SLC23A1: variants seen among roughly 807,000 people sequenced by gnomAD.
The protein encoded by SLC23A1 is solute carrier family 23 member 1.
A neutral mutation model predicts 62.5 loss-of-function variants in SLC23A1; 31 were observed. The ratio of observed to expected loss-of-function variants is 0.50; its 90% confidence interval spans 0.37 to 0.67. SLC23A1 has a LOEUF of 0.67. SLC23A1 is among the 30% of genes least tolerant of loss of function. The pLI is 0.00. For missense variants in SLC23A1, 640 were observed against 782.7 expected, an observed-to-expected ratio of 0.82 and a Z score of 2.18; for synonymous variants, 271 against 313.2, an observed-to-expected ratio of 0.87 and a Z score of 1.42.
Position 139,378,524 on chromosome 5 carries a change from G to A in SLC23A1, c.1179+55C>T, listed in dbSNP as rs1470735641. 19 of 1,428,864 alleles carry A rather than the reference G, an allele frequency of 1.3e-5. No individual in the cohort carries two copies. The highest frequency in any genetic ancestry group is 1.7e-5 in the Non-Finnish European group (18 of 1,050,190). The allele number at this position is 1,428,864 out of a possible 1,614,324, so 88.5% of individuals were successfully genotyped here. ...ACCAAAGTGGGGACCGAGTTGGGGC[G>A]GGGCCTGCGGCCCACGGAATTAGGG... On this transcript the variant is annotated intron_variant, in intron 10 of 14. Coordinates refer to ENST00000348729, the MANE Select transcript of SLC23A1 (RefSeq NM_005847.5). This position sits in a 1 kb window ranked among gnomAD's most constrained non-coding sequence, Gnocchi z 4.5.
intron 13 of SLC23A1, among the ~76,000 whole-genome samples, chr5:139,373,688 C>G (rs1757800116): frequency 6.6e-6 from 1 of 152,170 alleles, no homozygotes; most frequent in African/African-American, 2.4e-5. Flanking sequence ...GGAGAGGGCA[C>G]TGAGGGAAGG....
At chr5:139,383,303 G>A (rs747561567), upstream of SLC23A1, 1 of 1,603,292 alleles carries the variant, frequency 6.2e-7, no homozygotes, top group Non-Finnish European at 8.5e-7. Flanking sequence ...GGGATGACTT[G>A]ACAAAGGCCA....
upstream of SLC23A1, among the ~76,000 whole-genome samples, chr5:139,385,446 G>C (rs1308452579): frequency 3.3e-5 from 5 of 152,158 alleles, no homozygotes; most frequent in African/African-American, 1.2e-4. Context: ...AAGGCAGAGT[G>C]TGGAAAATGA....
chr5:139,373,668 A>T (rs900518038), intron 13 of SLC23A1, among the ~76,000 whole-genome samples: 1 of 152,210 alleles, frequency 6.6e-6, no homozygotes, highest in African/African-American at 2.4e-5. Flanking sequence ...TTATGTTCCA[A>T]AATCTCACAG....
intron 14 of SLC23A1, among the ~76,000 whole-genome samples, chr5:139,371,583 T>C (rs887811825): frequency 1.3e-5 from 2 of 152,278 alleles, no homozygotes; most frequent in Non-Finnish European, 2.9e-5. Context: ...TTCCTGTTCT[T>C]GTGCTGCATT....
In SLC23A1 at chr5:139,378,513, C is replaced by A; in HGVS notation, c.1179+66G>T. 9 of 1,451,794 alleles carry A rather than the reference C, an allele frequency of 6.2e-6. No homozygotes were observed. Among genetic ancestry groups the A allele is most frequent in the East Asian group, 2.5e-5 (1 of 40,430 alleles). The allele number at this position is 1,451,794 out of a possible 1,614,324, so 89.9% of individuals were successfully genotyped here. A position where few individuals can be genotyped will look rare whatever the true frequency, so the allele number is the denominator to read the frequency against. ...GGTGGGGCTAAACCAAAGTGGGGAC[C>A]GAGTTGGGGCGGGGCCTGCGGCCCA... On this transcript the variant is annotated intron_variant, in intron 10 of 14. Transcript: ENST00000348729. The surrounding 1 kb of genome is among the most constrained non-coding windows in gnomAD (Gnocchi z 4.5).
chr5:139,380,099 G>T, intron 6 of SLC23A1, 23 bp from the exon 7 acceptor site: 1 of 1,597,598 alleles, frequency 6.3e-7, no homozygotes, highest in Non-Finnish European at 8.5e-7. Flanking sequence ...GCACAATCAG[G>T]AAGTGGATGG....
At chr5:139,377,861 C>T in intron 12 of SLC23A1, 114 bp downstream of exon 12, 1 of 1,057,524 alleles carries the variant, frequency 9.5e-7, no homozygotes. Context: ...CTGGTTGACA[C>T]CCAGAGTTGG....
In SLC23A1 at chr5:139,367,505, T is replaced by A. The variant is rs548009946; in HGVS notation, c.*146A>T. On this transcript the variant is annotated 3_prime_UTR_variant, in exon 15 of 15. Transcript: ENST00000348729. Reference sequence around the variant, plus strand: ...CTTTTTTTTTAACTGATGCAAAAATTTGAATCCCAGAGAAAGGTGACTTAT... The same window carrying A: ...CTTTTTTTTTAACTGATGCAAAAATATGAATCCCAGAGAAAGGTGACTTAT... The A allele has an allele frequency of 6.6e-6, 1 of 152,098 alleles. No homozygotes were observed. The highest frequency in any genetic ancestry group is 1.5e-5 in the Non-Finnish European group (1 of 68,016). The allele number at this position is 152,098 out of a possible 1,614,324, so 9.4% of individuals were successfully genotyped here. A position where few individuals can be genotyped will look rare whatever the true frequency, so the allele number is the denominator to read the frequency against.
At chr5:139,382,397 T>C (rs2152073123) in intron 2 of SLC23A1, 95 bp downstream of exon 2, 3 of 700,532 alleles carry the variant, frequency 4.3e-6, no homozygotes, top group East Asian at 2.6e-5. Context: ...CAGGTTTTTC[T>C]TCCTGTTACC....
chr5:139,379,139 C>T lies in SLC23A1; in HGVS notation c.1073+68G>A. 5 of 1,554,970 alleles carry T rather than the reference C, an allele frequency of 3.2e-6. No homozygotes were observed. The highest frequency in any genetic ancestry group is 4.4e-6 in the Non-Finnish European group (5 of 1,131,888). On this transcript the variant is annotated intron_variant, in intron 9 of 14. Transcript: ENST00000348729. This position sits in a 1 kb window ranked among gnomAD's most constrained non-coding sequence, Gnocchi z 4.7. ...TAAGCCTACCCCCTGGGCCTCCACC[C>T]CGTTCCTGTGTGTGCTTCCTGGGTG...
chr5:139,368,615 A>G lies in SLC23A1; in HGVS notation c.*20-984T>C, dbSNP rs1416544365. The G allele has an allele frequency of 1.0e-5, 7 of 700,700 alleles. No homozygotes were observed. The South Asian group carries it at 1.2e-4, about 12-fold the overall frequency. The allele number at this position is 700,700 out of a possible 1,614,324, so 43.4% of individuals were successfully genotyped here. On this transcript the variant is annotated intron_variant, in intron 14 of 14. Transcript: ENST00000348729. Reference sequence around the variant, plus strand: ...CCTTTTTGGGGTTTAGTATAGTCTTACAGACTGAGTTCTTTTGTCTTTTTT... The same window carrying G: ...CCTTTTTGGGGTTTAGTATAGTCTTGCAGACTGAGTTCTTTTGTCTTTTTT...
chr5:139,385,172 G>GAGGA (rs1758466301), upstream of SLC23A1, among the ~76,000 whole-genome samples: 1 of 152,186 alleles, frequency 6.6e-6, no homozygotes, highest in Admixed American at 6.5e-5. Context: ...CATGGCTCTC[G>GAGGA]TGCAAAATAA....
upstream of SLC23A1, among the ~76,000 whole-genome samples, chr5:139,384,901 G>A (rs1483262416): frequency 6.6e-6 from 1 of 152,196 alleles, no homozygotes; most frequent in Admixed American, 6.5e-5. Flanking sequence ...CTGAGTGAAG[G>A]CCACGGATGG....
chr5:139,382,943 G>A (rs1007761638), intron 1 of SLC23A1, among the ~76,000 whole-genome samples: 4 of 152,210 alleles, frequency 2.6e-5, no homozygotes, highest in African/African-American at 9.7e-5. Flanking sequence ...GTCCAATCCG[G>A]TCCCACCTCT....
chr5:139,379,994 G>T lies in SLC23A1; in HGVS notation c.730C>A (p.Leu244Ile). The stretch of plus-strand genomic sequence containing the variant: ...AAGATCTGGATGCGGAGGAGAGTGA[G>T]GCCCTTGCCCCAGCGGTAGACAGGC... ...LLPVYRWGKGLTLLRIQIFKM... is the reference protein window; with the variant it reads ...LLPVYRWGKGITLLRIQIFKM... Residue 244 changes from leucine to isoleucine, a missense_variant, in exon 7 of 15, where the codon CTC (leucine) becomes ATC (isoleucine). Transcript: ENST00000348729. The surrounding 1 kb of genome is among the most constrained non-coding windows in gnomAD (Gnocchi z 4.7). 1 of 1,614,108 alleles carries T rather than the reference G, an allele frequency of 6.2e-7. No homozygotes were observed. Among genetic ancestry groups the T allele is most frequent in the Non-Finnish European group, 8.5e-7 (1 of 1,180,020 alleles).
chr5:139,378,571 C>A lies in SLC23A1; in HGVS notation c.1179+8G>T. Reference sequence around the variant, plus strand: ...AGGGCAGGATTTGGCTCTGGCTCGTCGCGACACCTTGGTAATTCCCAGGAC... The same window carrying A: ...AGGGCAGGATTTGGCTCTGGCTCGTAGCGACACCTTGGTAATTCCCAGGAC... On this transcript the variant is annotated splice_region_variant and intron_variant, in intron 10 of 14. Coordinates refer to ENST00000348729, the MANE Select transcript of SLC23A1 (RefSeq NM_005847.5). This position sits in a 1 kb window ranked among gnomAD's most constrained non-coding sequence, Gnocchi z 4.5. 1 of 1,581,920 alleles carries A rather than the reference C, an allele frequency of 6.3e-7. No homozygotes were observed. Among genetic ancestry groups the A allele is most frequent in the Non-Finnish European group, 8.6e-7 (1 of 1,163,238 alleles).
chr5:139,380,580 G>T lies in SLC23A1; in HGVS notation c.450C>A (p.His150Gln). 6.2e-7 allele frequency: 1 copy of T among 1,614,102 alleles called. No individual in the cohort carries two copies. The highest frequency in any genetic ancestry group is 8.5e-7 in the Non-Finnish European group (1 of 1,179,980). The change falls in exon 5 of 15, where the codon CAC (histidine) becomes CAA (glutamine). Residue 150 changes from histidine (H) to glutamine (Q), a missense_variant. Physicochemically the swap from His to Gln is conservative, Grantham distance 24. Coordinates refer to ENST00000348729, the MANE Select transcript of SLC23A1 (RefSeq NM_005847.5). ...SLPLNTSHIW[H>Q]PRIREVQGAI... is the part of the protein sequence containing the mutation. The stretch of plus-strand genomic sequence containing the variant: ...GCAAACCCACCTCCCGTATCCGTGG[G>T]TGCCAAATATGAGAGGTGTTCAGGG...
At chr5:139,376,521 A>T (rs994080327) in intron 13 of SLC23A1, among the ~76,000 whole-genome samples, 2 of 152,206 alleles carry the variant, frequency 1.3e-5, no homozygotes, top group Admixed American at 1.3e-4. Context: ...GGATGAAGTA[A>T]GACACTTAGC....
Sources: allele counts gnomAD v4.1 joint callset (sites outside exome capture counted in the v4.1 genomes callset), GRCh38; gene constraint gnomAD v4.1.1; non-coding constraint Gnocchi (gnomAD v3.1); transcripts MANE v1.5; gene names NCBI Gene and HGNC (gene_info 2026-07-23, HGNC 2026-07-21).